ABTB3: variants seen among roughly 807,000 people sequenced by gnomAD.
The protein encoded by ABTB3 is ankyrin repeat and BTB domain containing 3.
the ABTB3 span, among the ~76,000 whole-genome samples, chr12:107,407,191 C>T: frequency 6.6e-6 from 1 of 152,086 alleles, no homozygotes; most frequent in South Asian, 2.1e-4. Context: ...TAAAATAGTC[C>T]CCAGCTCACC....
the ABTB3 span, among the ~76,000 whole-genome samples, chr12:107,328,775 G>A: frequency 1.6e-4 from 24 of 152,190 alleles, no homozygotes; most frequent in African/African-American, 2.7e-4. Context: ...CTGAACTGCC[G>A]CAGCCCAGTG....
chr12:107,585,118 C>T, the ABTB3 span, among the ~76,000 whole-genome samples: 1 of 152,120 alleles, frequency 6.6e-6, no homozygotes, highest in Non-Finnish European at 1.5e-5. Context: ...CTGTCATTTT[C>T]CTCATACAAG....
the ABTB3 span, among the ~76,000 whole-genome samples, chr12:107,625,542 C>G: frequency 3.0e-3 from 457 of 152,196 alleles, no homozygotes; most frequent in Non-Finnish European, 5.2e-3. Context: ...CTGTTGGCAC[C>G]CAAGTTAGGG....
the ABTB3 span, among the ~76,000 whole-genome samples, chr12:107,398,517 A>T: frequency 6.6e-6 from 1 of 152,218 alleles, no homozygotes; most frequent in Non-Finnish European, 1.5e-5. Flanking sequence ...CAGCATTTTC[A>T]TATTGCTACA....
chr12:107,581,401 C>T, the ABTB3 span: 2 of 1,063,740 alleles, frequency 1.9e-6, no homozygotes, highest in Non-Finnish European at 2.4e-6. Flanking sequence ...CGGCCTGAGC[C>T]CCGCACACCT....
At chr12:107,445,054 C>T in the ABTB3 span, among the ~76,000 whole-genome samples, 1 of 152,160 alleles carries the variant, frequency 6.6e-6, no homozygotes. Flanking sequence ...CGTGGCTCTC[C>T]CCCCAGCCTG....
the ABTB3 span, among the ~76,000 whole-genome samples, chr12:107,478,296 G>A: frequency 6.6e-6 from 1 of 152,124 alleles, no homozygotes; most frequent in East Asian, 1.9e-4. Context: ...AGGACAAATG[G>A]TCTTGTTTGA....
chr12:107,319,515 G>A, the ABTB3 span: 1 of 1,574,114 alleles, frequency 6.4e-7, no homozygotes, highest in Middle Eastern at 1.7e-4. Context: ...TACAACATGA[G>A]CAGCGCCGGC....
chr12:107,646,264 C>T, the ABTB3 span, among the ~76,000 whole-genome samples: 2 of 152,216 alleles, frequency 1.3e-5, no homozygotes, highest in South Asian at 4.1e-4. Flanking sequence ...CTTGTGCCGG[C>T]AGAGTTTGAA....
chr12:107,638,302 T>G, the ABTB3 span, among the ~76,000 whole-genome samples: 1 of 152,106 alleles, frequency 6.6e-6, no homozygotes, highest in Non-Finnish European at 1.5e-5. Flanking sequence ...AGAATCAGTC[T>G]GGAAGGCAAA....
chr12:107,457,418 T>C, the ABTB3 span, among the ~76,000 whole-genome samples: 1 of 152,262 alleles, frequency 6.6e-6, no homozygotes, highest in Non-Finnish European at 1.5e-5. Flanking sequence ...TTTTATTAAC[T>C]GTCACCATGG....
At chr12:107,448,354 G>C in the ABTB3 span, among the ~76,000 whole-genome samples, 1 of 152,212 alleles carries the variant, frequency 6.6e-6, no homozygotes, top group Non-Finnish European at 1.5e-5. Context: ...CTCACATCCA[G>C]GGTTGGAAGC....
the ABTB3 span, among the ~76,000 whole-genome samples, chr12:107,341,274 C>T: frequency 6.6e-6 from 1 of 152,176 alleles, no homozygotes; most frequent in African/African-American, 2.4e-5. Context: ...TTGTGAAGCA[C>T]CTACCTTGTG....
At chr12:107,403,847 G>A in the ABTB3 span, among the ~76,000 whole-genome samples, 1 of 151,954 alleles carries the variant, frequency 6.6e-6, no homozygotes, top group African/African-American at 2.4e-5. Flanking sequence ...CTCCTTTCCT[G>A]CCCCCCTACC....
chr12:107,488,396 G>A, the ABTB3 span, among the ~76,000 whole-genome samples: 1 of 151,998 alleles, frequency 6.6e-6, no homozygotes, highest in Admixed American at 6.6e-5. Flanking sequence ...AGAAAAAAAA[G>A]TGTGCCCAGA....
the ABTB3 span, among the ~76,000 whole-genome samples, chr12:107,427,355 C>T: frequency 3.3e-5 from 5 of 152,134 alleles, no homozygotes; most frequent in Middle Eastern, 3.4e-3. Context: ...AATCACGGCT[C>T]ACTGCAGTCC....
At chr12:107,336,819 A>G in the ABTB3 span, among the ~76,000 whole-genome samples, 2 of 152,222 alleles carry the variant, frequency 1.3e-5, no homozygotes, top group Non-Finnish European at 2.9e-5. Context: ...TATCCCGGCA[A>G]CACCTAGAAG....
chr12:107,537,177 A>T, the ABTB3 span, among the ~76,000 whole-genome samples: 3 of 152,206 alleles, frequency 2.0e-5, no homozygotes, highest in Non-Finnish European at 4.4e-5. Context: ...TTAAAAAAAA[A>T]AATTGAGCCC....
At chr12:107,398,184 C>T in the ABTB3 span, among the ~76,000 whole-genome samples, 20,305 of 151,926 alleles carry the variant, frequency 0.13, 1,752 homozygotes, top group East Asian at 0.45. Flanking sequence ...GGGCTCCCAC[C>T]GAGAACAGAA....
Sources: gnomAD v4.1 joint callset for allele counts (sites outside exome capture counted in the v4.1 genomes callset) on GRCh38, gnomAD v4.1.1 for gene constraint, MANE v1.5 for transcripts, NCBI Gene and HGNC (gene_info 2026-07-23, HGNC 2026-07-21) for gene names.